The following DNAH14 variants were observed in gnomAD, a reference collection of about 807,000 sequenced individuals.
DNAH14 encodes axonemal beta dynein heavy chain 14.
In DNAH14, 478 loss-of-function variants were observed where a neutral mutation model predicts 520.9. The ratio of observed to expected loss-of-function variants is 0.92; its 90% confidence interval spans 0.85 to 0.99. The LOEUF is 0.99. Among genes scored for constraint, DNAH14 ranks in the 50% least tolerant of loss-of-function variants. The pLI is 0.00. For synonymous variants in DNAH14, 1,581 were observed against 1,757.2 expected, an observed-to-expected ratio of 0.90 and a Z score of 2.51; for missense variants, 4,831 against 5,234.5, an observed-to-expected ratio of 0.92 and a Z score of 2.38.
intron 8 of DNAH14, among the ~76,000 whole-genome samples, chr1:224,977,737 C>T (rs1450561964): frequency 6.6e-6 from 1 of 152,086 alleles, no homozygotes; most frequent in African/African-American, 2.4e-5. Context: ...GAAGAGACAG[C>T]CTGCAGAATG....
Position 225,082,657 on chromosome 1 carries a change from A to G in DNAH14, c.3245A>G (p.His1082Arg). 6.4e-7 allele frequency: 1 copy of G among 1,551,626 alleles called. No homozygotes were observed. The highest frequency in any genetic ancestry group is 8.7e-7 in the Non-Finnish European group (1 of 1,146,942). The part of the protein sequence containing the change: ...ALGNPCLKPR[H>R]WEALQEIIGK... The stretch of plus-strand genomic sequence containing the variant: ...GGAAATCCCTGTCTCAAGCCAAGGC[A>G]TTGGGAGGCTCTCCAGGAGATTATT... The change falls in exon 20 of 86, where the codon CAT (histidine) becomes CGT (arginine). Residue 1082 changes from histidine to arginine, a missense_variant. Coordinates refer to ENST00000682510, the MANE Select transcript of DNAH14 (RefSeq NM_001367479.1).
chr1:225,187,377 C>G (rs570998177), intron 37 of DNAH14, among the ~76,000 whole-genome samples: 1 of 151,926 alleles, frequency 6.6e-6, no homozygotes, highest in East Asian at 1.9e-4. Flanking sequence ...AGATTCGCCT[C>G]TTTTGGCAGA....
At chr1:225,279,828 G>A (rs2149906946) in intron 54 of DNAH14, among the ~76,000 whole-genome samples, 1 of 151,866 alleles carries the variant, frequency 6.6e-6, no homozygotes, top group East Asian at 1.9e-4. Context: ...CTGTCTTGAA[G>A]GGGATCCAGA....
chr1:225,011,508 A>G (rs1457336299), intron 10 of DNAH14, among the ~76,000 whole-genome samples: 1 of 151,952 alleles, frequency 6.6e-6, no homozygotes, highest in Non-Finnish European at 1.5e-5. Context: ...TTTCTGTCTC[A>G]TTGATCTGTT....
chr1:225,279,161 A>G (rs1291491111), intron 54 of DNAH14, among the ~76,000 whole-genome samples: 1 of 152,128 alleles, frequency 6.6e-6, no homozygotes, highest in Admixed American at 6.5e-5. Context: ...GCCTGCCACC[A>G]CACCCACCTA....
intron 42 of DNAH14, among the ~76,000 whole-genome samples, 200 bp downstream of exon 42, chr1:225,231,351 A>G (rs2091091995): frequency 1.3e-5 from 2 of 152,174 alleles, no homozygotes. Context: ...ATTTTGAAGT[A>G]ATATGCATTA....
chr1:225,334,973 A>G (rs760182762), intron 66 of DNAH14, among the ~76,000 whole-genome samples: 2 of 150,220 alleles, frequency 1.3e-5, no homozygotes, highest in Admixed American at 1.3e-4. Flanking sequence ...TCCTCAAGTT[A>G]TAAGACTATA....
rs1373460078 is a variant in DNAH14 at position 225,346,410 on chromosome 1, T to C, written c.11097+30T>C. ...GATATTCTTTAGTGTGAATTTTACA[T>C]GCTTATTTAATCTCACTGGATTAAT... On this transcript the variant is annotated intron_variant, in intron 70 of 85. Coordinates refer to ENST00000682510, the MANE Select transcript of DNAH14 (RefSeq NM_001367479.1). The C allele has an allele frequency of 2.0e-6, 3 of 1,528,100 alleles. No homozygotes were observed. The South Asian group carries it at 3.8e-5, about 19-fold the overall frequency. 94.7% of individuals were successfully genotyped at this position (1,528,100 alleles called of 1,614,324 possible). A position where few individuals can be genotyped will look rare whatever the true frequency, so the allele number is the denominator to read the frequency against.
intron 37 of DNAH14, among the ~76,000 whole-genome samples, chr1:225,189,409 CT>C (rs1459729964): frequency 1.6e-5 from 2 of 125,660 alleles, no homozygotes; most frequent in East Asian, 3.2e-4. Context: ...AGTTTTCTTT[CT>C]TTTCTTTTTT....
At chr1:224,980,575 G>A (rs947875258) in intron 8 of DNAH14, among the ~76,000 whole-genome samples, 4 of 152,200 alleles carry the variant, frequency 2.6e-5, no homozygotes, top group African/African-American at 9.6e-5. Context: ...TTAAGGGAAG[G>A]ATGCAAGCCT....
At chr1:225,224,865 A>G (rs780884443) in intron 41 of DNAH14, among the ~76,000 whole-genome samples, 1 of 152,076 alleles carries the variant, frequency 6.6e-6, no homozygotes, top group Non-Finnish European at 1.5e-5. Flanking sequence ...TGCTTACTGT[A>G]TTTATTGCAG....
Position 225,153,805 on chromosome 1 carries a change from C to T in DNAH14, c.5252C>T (p.Thr1751Met), listed in dbSNP as rs369373571. The change falls in exon 34 of 86, where the codon ACG (threonine) becomes ATG (methionine). Residue 1751 changes from threonine (T) to methionine (M), a missense_variant. Physicochemically the swap from Thr to Met is moderately conservative, Grantham distance 81. Coordinates refer to ENST00000682510, the MANE Select transcript of DNAH14 (RefSeq NM_001367479.1). ...AAGATAGTTTTAATAATGGCTGGAA[C>T]GAAGAAACGGGAGTTTAAATGGTCA... ...SLKIVLIMAG[T>M]KKREFKCDTS... is the part of the protein sequence containing the mutation. 1.6e-4 allele frequency: 241 copies of T among 1,549,416 alleles called. No homozygotes were observed. Among genetic ancestry groups the T allele is most frequent in the African/African-American group, 1.1e-3 (80 of 72,988 alleles).
intron 8 of DNAH14, among the ~76,000 whole-genome samples, chr1:224,998,706 A>G (rs552280734): frequency 3.3e-5 from 5 of 152,206 alleles, no homozygotes; most frequent in East Asian, 1.9e-4. Context: ...TACATGTTCC[A>G]TGGGAACTTG....
chr1:225,100,891 CT>C lies in DNAH14; in HGVS notation c.3867+8del. The stretch of plus-strand genomic sequence containing the variant: ...TATAAAGAAAAGCCTTGAGGTAAAA[CT>C]ATAGCAATTCTAAAGCAGTGAATCA... On this transcript the variant is annotated splice_region_variant and intron_variant, in intron 23 of 85. Transcript: ENST00000682510. 4.0e-6 allele frequency: 6 copies of C among 1,486,488 alleles called. No homozygotes were observed. Among genetic ancestry groups the C allele is most frequent in the Non-Finnish European group, 5.3e-6 (6 of 1,123,092 alleles). 92.1% of individuals were successfully genotyped at this position (1,486,488 alleles called of 1,614,324 possible).
intron 43 of DNAH14, among the ~76,000 whole-genome samples, chr1:225,245,029 A>G (rs2092199616): frequency 6.6e-6 from 1 of 152,172 alleles, no homozygotes; most frequent in Non-Finnish European, 1.5e-5. Flanking sequence ...GCTCTGTCCC[A>G]GAGATTCTGG....
intron 17 of DNAH14, among the ~76,000 whole-genome samples, chr1:225,060,467 C>G (rs1393197577): frequency 7.2e-5 from 11 of 152,142 alleles, no homozygotes; most frequent in Non-Finnish European, 1.5e-5. Context: ...GACCTTCCTC[C>G]TTTAGCTCAG....
At chr1:225,132,947 T>G (rs1173958866) in intron 27 of DNAH14, among the ~76,000 whole-genome samples, 1 of 152,242 alleles carries the variant, frequency 6.6e-6, no homozygotes, top group Admixed American at 6.5e-5. Flanking sequence ...CTCATTGTAG[T>G]TTTGATTTGC....
intron 8 of DNAH14, among the ~76,000 whole-genome samples, chr1:224,974,948 T>TTGACA (rs1308531067): frequency 4.6e-5 from 7 of 152,068 alleles, no homozygotes; most frequent in African/African-American, 1.7e-4. Flanking sequence ...GTTGTTGAAT[T>TTGACA]TTGTCAAAGG....
intron 28 of DNAH14, among the ~76,000 whole-genome samples, chr1:225,141,326 G>A (rs7521702): frequency 0.26 from 38,955 of 151,672 alleles, 7,663 homozygotes; most frequent in African/African-American, 0.55. Flanking sequence ...CTACTGTTCT[G>A]TTTTATTATG....
Sources: allele counts gnomAD v4.1 joint callset (sites outside exome capture counted in the v4.1 genomes callset), GRCh38; gene constraint gnomAD v4.1.1; transcripts MANE v1.5; gene names NCBI Gene and HGNC (gene_info 2026-07-23, HGNC 2026-07-21).